Variants in PCDH11X observed in about 807,000 individuals in gnomAD.
PCDH11X encodes protocadherin-11 X-linked.
In PCDH11X, 18 loss-of-function variants were observed where a neutral mutation model predicts 53.3. The ratio of observed to expected loss-of-function variants is 0.34; its 90% confidence interval spans 0.23 to 0.50. PCDH11X has a LOEUF of 0.50. Ranked by LOEUF, PCDH11X falls within the 20% of genes least tolerant of loss-of-function variation. The pLI, the probability that PCDH11X is intolerant of heterozygous loss-of-function variation, is 0.98. For missense variants in PCDH11X, 570 were observed against 1,032.4 expected (o/e 0.55, Z 6.14); for synonymous variants, 279 against 393.3 (o/e 0.71, Z 3.44).
At chrX:91,934,384 T>TC (rs1602521111) in intron 6 of PCDH11X, among the ~76,000 whole-genome samples, 1 of 111,329 alleles carries the variant, frequency 9.0e-6, no homozygotes, top group South Asian at 3.7e-4. Context: ...TTACCATTTT[T>TC]CCCCCCTGAA....
At chrX:91,909,724 T>C (rs1318582144) in intron 6 of PCDH11X, among the ~76,000 whole-genome samples, 3 of 108,797 alleles carry the variant, frequency 2.8e-5, no homozygotes, top group African/African-American at 1.0e-4. Context: ...CATCAGTGTT[T>C]TATTTTGTCT....
chrX:92,323,467 G>A (rs2069257735), intron 8 of PCDH11X, among the ~76,000 whole-genome samples: 1 of 110,057 alleles, frequency 9.1e-6, no homozygotes, highest in Admixed American at 9.8e-5. Flanking sequence ...CTCTTCACTG[G>A]TGACTTGGTG....
intron 8 of PCDH11X, among the ~76,000 whole-genome samples, chrX:92,380,471 A>G (rs972449486): frequency 3.6e-5 from 4 of 112,168 alleles, no homozygotes; most frequent in African/African-American, 9.7e-5. Context: ...TGGTGAAGCA[A>G]CACCCCGAAG....
intron 8 of PCDH11X, among the ~76,000 whole-genome samples, chrX:92,283,008 T>C (rs747581871): frequency 9.0e-6 from 1 of 111,244 alleles, no homozygotes; most frequent in Non-Finnish European, 1.9e-5. Context: ...GCTCATGTCA[T>C]GTGCCAAGAA....
At chrX:92,482,749 C>T (rs2073536219) in intron 10 of PCDH11X, among the ~76,000 whole-genome samples, 1 of 107,873 alleles carries the variant, frequency 9.3e-6, no homozygotes, top group African/African-American at 3.4e-5. Flanking sequence ...GTTATAGTAT[C>T]TGTTACTCAC....
At chrX:92,576,011 T>TACACACACAC (rs1243169398) in intron 10 of PCDH11X, among the ~76,000 whole-genome samples, 1 of 28,097 alleles carries the variant, frequency 3.6e-5, no homozygotes, top group African/African-American at 1.7e-4. Context: ...TATATATATA[T>TACACACACAC]ACACACACAC....
intron 7 of PCDH11X, among the ~76,000 whole-genome samples, chrX:92,216,523 A>G (rs1372031973): frequency 8.6e-4 from 93 of 107,811 alleles, no homozygotes; most frequent in African/African-American, 3.0e-3. Context: ...AAAAAAACGA[A>G]CAAAGCCTCC....
chrX:91,851,484 A>C (rs999108798), intron 5 of PCDH11X, among the ~76,000 whole-genome samples: 2 of 111,704 alleles, frequency 1.8e-5, no homozygotes, highest in African/African-American at 6.5e-5. Context: ...AATTTTTATG[A>C]GTACATAGTA....
At chrX:91,844,154 C>T (rs181623293) in intron 5 of PCDH11X, among the ~76,000 whole-genome samples, 393 of 111,293 alleles carry the variant, frequency 3.5e-3, no homozygotes, top group Non-Finnish European at 4.6e-3. Flanking sequence ...AGAGTTGATG[C>T]TTCATACTCC....
chrX:92,295,888 T>C (rs1167060781), intron 8 of PCDH11X, among the ~76,000 whole-genome samples: 1 of 109,027 alleles, frequency 9.2e-6, no homozygotes, highest in African/African-American at 3.4e-5. Context: ...GAGACCAGTC[T>C]GGCTAACATG....
chrX:92,164,153 G>T (rs1024587777), intron 6 of PCDH11X, among the ~76,000 whole-genome samples: 3 of 111,991 alleles, frequency 2.7e-5, no homozygotes, highest in South Asian at 7.4e-4. Context: ...CTTGCTCAAA[G>T]TTGGAAGTAA....
chrX:92,186,827 G>C (rs1477395897), intron 6 of PCDH11X, among the ~76,000 whole-genome samples: 1 of 110,422 alleles, frequency 9.1e-6, no homozygotes, highest in South Asian at 3.8e-4. Flanking sequence ...AGAGAGTTTT[G>C]AATGTTCCCA....
intron 6 of PCDH11X, among the ~76,000 whole-genome samples, chrX:92,060,216 A>C (rs1411198219): frequency 9.6e-6 from 1 of 104,220 alleles, no homozygotes; most frequent in Admixed American, 1.1e-4. Context: ...TGTGTCATAA[A>C]TGTAACATAA....
At chrX:92,284,245 A>G (rs1304804808) in intron 8 of PCDH11X, among the ~76,000 whole-genome samples, 1 of 110,375 alleles carries the variant, frequency 9.1e-6, no homozygotes, top group African/African-American at 3.3e-5. Flanking sequence ...CATTAATGTT[A>G]ATCACTATAA....
At chrX:91,935,654 G>A (rs1206288868) in intron 6 of PCDH11X, among the ~76,000 whole-genome samples, 1 of 109,354 alleles carries the variant, frequency 9.1e-6, no homozygotes, top group South Asian at 4.0e-4. Context: ...TTATTTTGCC[G>A]AGGTTAAGGC....
chrX:91,852,069 A>G (rs1204797411), intron 5 of PCDH11X, among the ~76,000 whole-genome samples: 1 of 99,234 alleles, frequency 1.0e-5, no homozygotes, highest in African/African-American at 3.7e-5. Context: ...GCTGGAGTGC[A>G]ATGGCACGAT....
At chrX:92,418,698 C>A (rs1384144296) in intron 9 of PCDH11X, among the ~76,000 whole-genome samples, 28 of 110,313 alleles carry the variant, frequency 2.5e-4, no homozygotes, top group Non-Finnish European at 2.5e-4. Context: ...CTCAAGTGGT[C>A]TTTTTGCCTC....
Position 91,878,974 on chromosome X carries a change from G to C in PCDH11X, c.2734G>C (p.Glu912Gln). ...CACACTAGACCTTCCTATTGATCTA[G>C]AAGAGCAAACAATGGGAAAGTACAA... ...RVTLDLPIDL[E>Q]EQTMGKYNWV... Residue 912 changes from glutamate (E) to glutamine (Q), a missense_variant, in exon 6 of 11, where the codon GAA (glutamate) becomes CAA (glutamine). By Grantham distance (29) the Glu-to-Gln change is conservative. This residue lies in a region of PCDH11X where 226 missense variants were observed against 457.5 expected (regional missense o/e 0.49). Coordinates refer to ENST00000682573, the MANE Select transcript of PCDH11X (RefSeq NM_032968.5). 2 of 1,211,609 alleles carry C rather than the reference G, an allele frequency of 1.7e-6. No homozygotes were observed. Among genetic ancestry groups the C allele is most frequent in the East Asian group, 5.9e-5 (2 of 33,851 alleles).
chrX:91,964,681 T>G (rs1470547822), intron 6 of PCDH11X, among the ~76,000 whole-genome samples: 3 of 112,379 alleles, frequency 2.7e-5, no homozygotes, highest in African/African-American at 9.7e-5. Flanking sequence ...AGTGTGGGGT[T>G]TTCTTTCCAG....
Sources: gnomAD v4.1 joint callset for allele counts (sites outside exome capture counted in the v4.1 genomes callset) on GRCh38, gnomAD v4.1.1 for gene constraint, gnomAD v4.1.1 regional missense constraint, MANE v1.5 for transcripts, NCBI Gene and HGNC (gene_info 2026-07-23, HGNC 2026-07-21) for gene names.